Variants in HIGD2B observed in about 807,000 individuals in gnomAD.
The protein encoded by HIGD2B is HIG1 hypoxia inducible domain family member 2B, also known as HIG1 domain family member 2B.
For synonymous variants in HIGD2B, 45 were observed against 28.1 expected, an observed-to-expected ratio of 1.60 and a Z score of -1.90; for missense variants, 106 against 67.0, an observed-to-expected ratio of 1.58 and a Z score of -2.03.
At chr15:72,683,006 A>G (rs568298664) in intron 1 of HIGD2B, 110 of 174,018 alleles carry the variant, frequency 6.3e-4, no homozygotes, top group Non-Finnish European at 8.5e-4. Flanking sequence ...ACAGTCATGT[A>G]AATGGACTAG....
At chr15:72,681,219 C>G (rs2064746183) in intron 1 of HIGD2B, among the ~76,000 whole-genome samples, 1 of 152,114 alleles carries the variant, frequency 6.6e-6, no homozygotes, top group Non-Finnish European at 1.5e-5. Flanking sequence ...GACTAGCCTT[C>G]AGGTGTAATT....
intron 1 of HIGD2B, among the ~76,000 whole-genome samples, chr15:72,684,681 G>C (rs1485837807): frequency 6.6e-6 from 1 of 152,120 alleles, no homozygotes; most frequent in African/African-American, 2.4e-5. Context: ...TAGAGACAGG[G>C]TTACACCATG....
intron 2 of HIGD2B, among the ~76,000 whole-genome samples, chr15:72,677,442 G>C (rs571884697): frequency 6.6e-6 from 1 of 151,860 alleles, no homozygotes; most frequent in East Asian, 1.9e-4. Flanking sequence ...ATAATGTTCT[G>C]TTTGGGAAAG....
chr15:72,676,003 G>A lies in HIGD2B; in HGVS notation c.*51C>T. 1 of 678,636 alleles carries A rather than the reference G, an allele frequency of 1.5e-6. No homozygotes were observed. The highest frequency in any genetic ancestry group is 2.1e-5 in the Admixed American group (1 of 48,400). The allele number at this position is 678,636 out of a possible 1,614,324, so 42.0% of individuals were successfully genotyped here. A position where few individuals can be genotyped will look rare whatever the true frequency, so the allele number is the denominator to read the frequency against. ...AGTAAGTCCCATGGTAGGGCCAGTG[G>A]TTGCTCCTGGGTTTTGGAATGATTT... On this transcript the variant is annotated 3_prime_UTR_variant, in exon 3 of 3. Coordinates refer to ENST00000311755, the MANE Select transcript of HIGD2B (RefSeq NM_001350932.3).
chr15:72,684,637 G>A (rs1376453989), intron 1 of HIGD2B, among the ~76,000 whole-genome samples: 1 of 152,090 alleles, frequency 6.6e-6, no homozygotes, highest in South Asian at 2.1e-4. Context: ...ACAGGAGCCG[G>A]CCACCACGCC....
chr15:72,679,757 T>TA lies in HIGD2B; in HGVS notation c.-14+257dup, dbSNP rs1031218658. ...AAAACACTTGCATTTTGGGAAAATA[T>TA]AAAAAAAAATGTCCAACAGGGTTGT... is the stretch of plus-strand genomic sequence containing the variant. On this transcript the variant is annotated intron_variant, in intron 2 of 2. Transcript: ENST00000311755. 5.4e-4 allele frequency among the ~76,000 whole-genome samples: 81 copies of TA among 150,988 alleles called. 1 individual carries two copies. The highest frequency in any genetic ancestry group is 2.6e-3 in the Admixed American group (39 of 15,126).
intron 2 of HIGD2B, among the ~76,000 whole-genome samples, chr15:72,676,883 G>A (rs551606230): frequency 5.0e-4 from 76 of 152,244 alleles, no homozygotes; most frequent in Middle Eastern, 3.4e-3. Context: ...GGAACTCTTC[G>A]TATGTTGACT....
intron 1 of HIGD2B, among the ~76,000 whole-genome samples, chr15:72,685,027 G>A (rs1326160797): frequency 6.6e-6 from 1 of 152,180 alleles, no homozygotes; most frequent in East Asian, 1.9e-4. Flanking sequence ...TAAATGAAAG[G>A]CAGAGTATTT....
In HIGD2B at chr15:72,675,848, T is replaced by C. The variant is rs2064682118; in HGVS notation, c.*206A>G. ...TAAGCAGGGGAGTGGAGGGAAGATGTGGCACAAATAGAAATATGTAACATT... is the reference window on the plus strand; with the variant it reads ...TAAGCAGGGGAGTGGAGGGAAGATGCGGCACAAATAGAAATATGTAACATT... On this transcript the variant is annotated 3_prime_UTR_variant, in exon 3 of 3. Transcript: ENST00000311755. 3 of 555,834 alleles carry C rather than the reference T, an allele frequency of 5.4e-6. No homozygotes were observed. The East Asian group carries it at 8.7e-5, about 16-fold the overall frequency. The allele number at this position is 555,834 out of a possible 1,614,324, so 34.4% of individuals were successfully genotyped here.
intron 1 of HIGD2B, among the ~76,000 whole-genome samples, chr15:72,684,381 T>C (rs2064783365): frequency 1.3e-5 from 2 of 150,320 alleles, no homozygotes; most frequent in African/African-American, 4.8e-5. Flanking sequence ...AAGTGTGAAT[T>C]GGCCTTATGT....
rs1162131568 is a variant in HIGD2B, at chr15:72,686,157, T to A, written c.-532A>T. The A allele has an allele frequency of 7.4e-6, 11 of 1,493,790 alleles. No individual in the cohort carries two copies. The highest frequency in any genetic ancestry group is 1.0e-5 in the Non-Finnish European group (11 of 1,100,592). The allele number at this position is 1,493,790 out of a possible 1,614,324, so 92.5% of individuals were successfully genotyped here. Reference sequence around the variant, plus strand: ...GCTTCCTCACAGTCCTCCACAGCCCTACGACTTCCGCTTGCCTCGTCGTCT... The same window carrying A: ...GCTTCCTCACAGTCCTCCACAGCCCAACGACTTCCGCTTGCCTCGTCGTCT... On this transcript the variant is annotated 5_prime_UTR_variant, in exon 1 of 3. Transcript: ENST00000311755.
rs2064826646 is a variant in HIGD2B, at chr15:72,686,164, T to A, written c.-539A>T. ...CACAGTCCTCCACAGCCCTACGACT[T>A]CCGCTTGCCTCGTCGTCTGGGAAAC... On this transcript the variant is annotated 5_prime_UTR_variant, in exon 1 of 3. Coordinates refer to ENST00000311755, the MANE Select transcript of HIGD2B (RefSeq NM_001350932.3). 2.0e-6 allele frequency: 3 copies of A among 1,518,640 alleles called. No homozygotes were observed. Among genetic ancestry groups the A allele is most frequent in the Non-Finnish European group, 2.7e-6 (3 of 1,122,410 alleles). 94.1% of individuals were successfully genotyped at this position (1,518,640 alleles called of 1,614,324 possible).
Position 72,680,100 on chromosome 15 carries a change from T to C in HIGD2B, c.-99A>G, listed in dbSNP as rs571231055. On this transcript the variant is annotated 5_prime_UTR_variant, in exon 2 of 3. Coordinates refer to ENST00000311755, the MANE Select transcript of HIGD2B (RefSeq NM_001350932.3). Reference sequence around the variant, plus strand: ...ATTCCCTGCTTTTGCCTGGGCAAAATAGTCCATCAACCAAAGTTTAGGTTT... The same window carrying C: ...ATTCCCTGCTTTTGCCTGGGCAAAACAGTCCATCAACCAAAGTTTAGGTTT... 12 of 324,750 alleles carry C rather than the reference T, an allele frequency of 3.7e-5. No individual in the cohort carries two copies. The South Asian group carries it at 7.2e-4, about 19-fold the overall frequency. 20.1% of individuals were successfully genotyped at this position (324,750 alleles called of 1,614,324 possible). A position where few individuals can be genotyped will look rare whatever the true frequency, so the allele number is the denominator to read the frequency against.
In HIGD2B at chr15:72,685,999, G is replaced by A. The variant is rs2064822289; in HGVS notation, c.-374C>T. On this transcript the variant is annotated 5_prime_UTR_variant, in exon 1 of 3. Transcript: ENST00000311755. ...ACAGACCACGGCGAGGGGTGTTAGGGGCTTCTCGGGATAAAGGCAGCGAGT... is the reference window on the plus strand; with the variant it reads ...ACAGACCACGGCGAGGGGTGTTAGGAGCTTCTCGGGATAAAGGCAGCGAGT... 6 of 624,132 alleles carry A rather than the reference G, an allele frequency of 9.6e-6. No homozygotes were observed. The highest frequency in any genetic ancestry group is 1.7e-5 in the Non-Finnish European group (6 of 350,134). 38.7% of individuals were successfully genotyped at this position (624,132 alleles called of 1,614,324 possible).
At chr15:72,683,209 T>C (rs751094464) in intron 1 of HIGD2B, among the ~76,000 whole-genome samples, 4 of 152,232 alleles carry the variant, frequency 2.6e-5, no homozygotes, top group Non-Finnish European at 5.9e-5. Flanking sequence ...TCTTACACTT[T>C]AGTGAAGAAG....
intron 1 of HIGD2B, among the ~76,000 whole-genome samples, chr15:72,685,516 G>A (rs561537558): frequency 6.5e-4 from 99 of 152,294 alleles, no homozygotes; most frequent in African/African-American, 2.3e-3. Context: ...TCACCGCACC[G>A]GGGGCCAGAC....
intron 1 of HIGD2B, among the ~76,000 whole-genome samples, chr15:72,681,036 T>C (rs1008339443): frequency 1.3e-4 from 20 of 152,144 alleles, no homozygotes; most frequent in African/African-American, 4.8e-4. Context: ...GTTACTGCCT[T>C]GTTTATGTGA....
intron 1 of HIGD2B, among the ~76,000 whole-genome samples, chr15:72,684,195 C>T (rs889659062): frequency 6.6e-6 from 1 of 152,106 alleles, no homozygotes; most frequent in Non-Finnish European, 1.5e-5. Context: ...AGTGTGGGAG[C>T]GGGCCTGAGC....
Position 72,675,843 on chromosome 15 carries a change from A to C in HIGD2B, c.*211T>G. The C allele has an allele frequency of 1.8e-6, 1 of 544,356 alleles. No individual in the cohort carries two copies. The highest frequency in any genetic ancestry group is 3.3e-6 in the Non-Finnish European group (1 of 306,926). 33.7% of individuals were successfully genotyped at this position (544,356 alleles called of 1,614,324 possible). On this transcript the variant is annotated 3_prime_UTR_variant, in exon 3 of 3. Coordinates refer to ENST00000311755, the MANE Select transcript of HIGD2B (RefSeq NM_001350932.3). ...TTTATTAAGCAGGGGAGTGGAGGGA[A>C]GATGTGGCACAAATAGAAATATGTA...
Sources: allele counts gnomAD v4.1 joint callset (sites outside exome capture counted in the v4.1 genomes callset), GRCh38; gene constraint gnomAD v4.1.1; transcripts MANE v1.5; gene names NCBI Gene and HGNC (gene_info 2026-07-23, HGNC 2026-07-21).